The following KCNS3 variants were observed in gnomAD, a reference collection of about 807,000 sequenced individuals.
KCNS3 encodes delayed-rectifier potassium channel regulatory subunit KCNS3.
A neutral mutation model predicts 31.0 loss-of-function variants in KCNS3; 13 were observed. The observed-to-expected ratio is 0.42, with a 90% CI of 0.27 to 0.67. KCNS3 has a LOEUF of 0.67. KCNS3 is among the 30% of genes least tolerant of loss of function. The pLI, the probability that KCNS3 is intolerant of heterozygous loss-of-function variation, is 0.25. For synonymous variants in KCNS3, 238 were observed against 241.5 expected, an observed-to-expected ratio of 0.99 and a Z score of 0.13; for missense variants, 545 against 622.4, an observed-to-expected ratio of 0.88 and a Z score of 1.32.
At chr2:17,888,169 A>G (rs1661737281) in intron 1 of KCNS3, among the ~76,000 whole-genome samples, 1 of 152,034 alleles carries the variant, frequency 6.6e-6, no homozygotes, top group Non-Finnish European at 1.5e-5. Context: ...TGCCATGTGA[A>G]AGCTCTTTAG....
chr2:17,924,142 C>A (rs1240918831), intron 2 of KCNS3, among the ~76,000 whole-genome samples: 2 of 150,584 alleles, frequency 1.3e-5, no homozygotes, highest in Non-Finnish European at 3.0e-5. Context: ...TAATTGTTTT[C>A]TTAATTTCAT....
chr2:17,890,542 A>G (rs1277228649), intron 1 of KCNS3, among the ~76,000 whole-genome samples: 1 of 151,742 alleles, frequency 6.6e-6, no homozygotes, highest in Non-Finnish European at 1.5e-5. Flanking sequence ...GCTCTTTCAG[A>G]CTTTTTGAGG....
At chr2:17,884,268 A>AAAAATATATAT (rs1459540269) in intron 1 of KCNS3, among the ~76,000 whole-genome samples, 1 of 46,680 alleles carries the variant, frequency 2.1e-5, no homozygotes, top group African/African-American at 7.8e-5. Context: ...AAAAAAAAAA[A>AAAAATATATAT]ATATATATAT....
intron 2 of KCNS3, among the ~76,000 whole-genome samples, chr2:17,922,706 T>C (rs1662745838): frequency 6.6e-6 from 1 of 152,128 alleles, no homozygotes; most frequent in South Asian, 2.1e-4. Context: ...TTTCTGTTTC[T>C]ATAGTTTTGA....
chr2:17,919,516 T>G (rs1034922928), intron 2 of KCNS3: 5 of 152,330 alleles, frequency 3.3e-5, no homozygotes, highest in African/African-American at 1.2e-4. Flanking sequence ...CTTTCCCTCT[T>G]TTTTGCTAGT....
At chr2:17,927,675 C>A (rs1276470300) in intron 2 of KCNS3, among the ~76,000 whole-genome samples, 2 of 152,162 alleles carry the variant, frequency 1.3e-5, no homozygotes, top group South Asian at 2.1e-4. Context: ...TTCACTATTA[C>A]AAGAACAGCA....
chr2:17,894,904 G>A (rs1558449068), intron 1 of KCNS3, among the ~76,000 whole-genome samples: 1 of 152,198 alleles, frequency 6.6e-6, no homozygotes, highest in Non-Finnish European at 1.5e-5. Flanking sequence ...AGAGCTGGGT[G>A]AATTTAGAAA....
At position 17,931,454 on chromosome 2, in the gene KCNS3, C is replaced by T. The variant is rs767905367; in HGVS notation, c.446C>T (p.Ser149Leu). ...AGTACCGACTCCTCGTTTGAAGAGT[C>T]GTCTCTGTTTGAGAAAGAGCTGGAG... ...DVSTDSSFEESSLFEKELEKF... is the reference protein window; with the variant it reads ...DVSTDSSFEELSLFEKELEKF... Residue 149 changes from serine to leucine, a missense_variant, in exon 3 of 3, where the codon TCG (serine) becomes TTG (leucine). Physicochemically the swap from Ser to Leu is moderately radical, Grantham distance 145 (BLOSUM62 -2). Transcript: ENST00000304101. The surrounding 1 kb of genome is among the most constrained non-coding windows in gnomAD (Gnocchi z 5.4). 2.8e-5 allele frequency: 45 copies of T among 1,614,006 alleles called. No homozygotes were observed. Among genetic ancestry groups the T allele is most frequent in the South Asian group, 2.1e-4 (19 of 91,070 alleles).
chr2:17,897,106 AAT>A (rs977495177), intron 1 of KCNS3, among the ~76,000 whole-genome samples: 1 of 151,460 alleles, frequency 6.6e-6, no homozygotes, highest in African/African-American at 2.4e-5. Context: ...ATCTTTACCC[AAT>A]ATTTAGCTCC....
rs554801918 is a variant in KCNS3, at chr2:17,910,318, CTA to C, written c.-251-7361_-251-7360del. On this transcript the variant is annotated intron_variant, in intron 1 of 2. Transcript: ENST00000304101. ...TATTGGTGTGAAGTCATTGGCACTG[CTA>C]ATACACACTACCCTGGGCCAATGCC... Among the ~76,000 whole-genome samples the C allele has an allele frequency of 5.9e-5, 9 of 152,240 alleles. No individual in the cohort carries two copies. The East Asian group carries it at 1.5e-3, about 26-fold the overall frequency.
At chr2:17,908,910 G>T (rs1662403526) in intron 1 of KCNS3, among the ~76,000 whole-genome samples, 1 of 152,208 alleles carries the variant, frequency 6.6e-6, no homozygotes, top group South Asian at 2.1e-4. Flanking sequence ...GGGGGTCAGG[G>T]ACTCACTTGA....
rs4832524 is a variant in KCNS3 at position 17,932,356 on chromosome 2, A to C, written c.1348A>C (p.Thr450Pro). 1.9e-6 allele frequency: 3 copies of C among 1,613,860 alleles called. No individual in the cohort carries two copies. Among genetic ancestry groups the C allele is most frequent in the Non-Finnish European group, 2.5e-6 (3 of 1,179,936 alleles). ...GGATATATATGCACAGCGGATGCAC[A>C]CCTTCATTACCAGTCTCTCTTCTGT... is the stretch of plus-strand genomic sequence containing the variant. ...IRDIYAQRMHTFITSLSSVGI... is the reference protein window; with the variant it reads ...IRDIYAQRMHPFITSLSSVGI... The change falls in exon 3 of 3, where the codon ACC (threonine) becomes CCC (proline). Residue 450 changes from threonine (T) to proline (P), a missense_variant. Coordinates refer to ENST00000304101, the MANE Select transcript of KCNS3 (RefSeq NM_002252.5).
chr2:17,931,611 C>T lies in KCNS3; in HGVS notation c.603C>T (p.Ala201=), dbSNP rs1467277569. 1 of 1,614,156 alleles carries T rather than the reference C, an allele frequency of 6.2e-7. No individual in the cohort carries two copies. Among genetic ancestry groups the T allele is most frequent in the Non-Finnish European group, 8.5e-7 (1 of 1,180,022 alleles). The part of the protein sequence containing the change: ...SLSVVLASIV[A]MCVHSMSEFQ... ...GCGTGGTGCTGGCCTCCATCGTGGC[C>T]ATGTGCGTTCACAGCATGTCGGAGT... The change falls in exon 3 of 3, where the codon GCC becomes GCT. Residue 201 remains alanine (A), a synonymous_variant. Transcript: ENST00000304101. The surrounding 1 kb of genome is among the most constrained non-coding windows in gnomAD (Gnocchi z 5.4).
chr2:17,884,269 ATATATATATATAT>A (rs1367961381), intron 1 of KCNS3, among the ~76,000 whole-genome samples: 396 of 35,564 alleles, frequency 0.011, 9 homozygotes, highest in African/African-American at 0.036. Flanking sequence ...AAAAAAAAAA[ATATATATATATAT>A]ATATATATAT....
At chr2:17,892,774 C>G (rs904789059) in intron 1 of KCNS3, among the ~76,000 whole-genome samples, 1 of 152,166 alleles carries the variant, frequency 6.6e-6, no homozygotes, top group African/African-American at 2.4e-5. Flanking sequence ...GCACAGAGTT[C>G]TGTGATATGA....
At chr2:17,914,340 T>A (rs1190147390) in intron 1 of KCNS3, among the ~76,000 whole-genome samples, 1 of 151,868 alleles carries the variant, frequency 6.6e-6, no homozygotes, top group Admixed American at 6.6e-5. Context: ...GAGCCTGGAG[T>A]CAGAACAAAG....
intron 1 of KCNS3, among the ~76,000 whole-genome samples, chr2:17,899,042 A>G (rs1662098962): frequency 6.6e-6 from 1 of 152,162 alleles, no homozygotes; most frequent in South Asian, 2.1e-4. Flanking sequence ...CCCGGCCAAC[A>G]TGGTGAAACC....
chr2:17,917,225 A>C (rs569014256), intron 1 of KCNS3, among the ~76,000 whole-genome samples: 1 of 152,340 alleles, frequency 6.6e-6, no homozygotes, highest in Non-Finnish European at 1.5e-5. Context: ...TTGATTTCAA[A>C]TTAGAGCAGC....
In KCNS3 at chr2:17,907,527, G is replaced by C. The variant is rs183366042; in HGVS notation, c.-251-10153G>C. 3.3e-5 allele frequency among the ~76,000 whole-genome samples: 5 copies of C among 152,246 alleles called. No homozygotes were observed. In the East Asian group the frequency reaches 7.7e-4, roughly 24 times the overall value. On this transcript the variant is annotated intron_variant, in intron 1 of 2. Coordinates refer to ENST00000304101, the MANE Select transcript of KCNS3 (RefSeq NM_002252.5). ...ATGATGTTAGCTGGTTATTTTGCTCGTTAGTTGATGCAGTTTATTCCTAGC... is the reference window on the plus strand; with the variant it reads ...ATGATGTTAGCTGGTTATTTTGCTCCTTAGTTGATGCAGTTTATTCCTAGC...
Sources: gnomAD v4.1 joint callset for allele counts (sites outside exome capture counted in the v4.1 genomes callset) on GRCh38, gnomAD v4.1.1 for gene constraint, Gnocchi (gnomAD v3.1) non-coding constraint, MANE v1.5 for transcripts, NCBI Gene and HGNC (gene_info 2026-07-23, HGNC 2026-07-21) for gene names.